The following C1QTNF3 variants were observed in gnomAD, a reference collection of about 807,000 sequenced individuals.
C1QTNF3 encodes the protein C1q and TNF related 3.
A neutral mutation model predicts 32.6 loss-of-function variants in C1QTNF3; 26 were observed. The observed-to-expected ratio is 0.80, with a 90% CI of 0.58 to 1.11. The LOEUF (loss-of-function observed/expected upper bound fraction) is 1.11, where lower values mean the gene tolerates loss of function less well. C1QTNF3 is among the 50% of genes least tolerant of loss of function. C1QTNF3 has a pLI of 0.00. For synonymous variants in C1QTNF3, 155 were observed against 146.0 expected, an observed-to-expected ratio of 1.06 and a Z score of -0.44; for missense variants, 362 against 398.2, an observed-to-expected ratio of 0.91 and a Z score of 0.77.
chr5:34,203,069 G>A, the C1QTNF3 span, among the ~76,000 whole-genome samples: 17 of 152,192 alleles, frequency 1.1e-4, no homozygotes, highest in African/African-American at 3.9e-4. Context: ...AGTCCTATGA[G>A]AAATACTCAA....
chr5:34,113,679 T>C, the C1QTNF3 span, among the ~76,000 whole-genome samples: 5 of 152,266 alleles, frequency 3.3e-5, no homozygotes, highest in African/African-American at 7.2e-5. Context: ...TCTATATATA[T>C]GTATATGTAT....
chr5:34,214,370 A>G, the C1QTNF3 span, among the ~76,000 whole-genome samples: 414 of 151,984 alleles, frequency 2.7e-3, 1 homozygote, highest in Non-Finnish European at 5.0e-3. Context: ...TTACTGAATC[A>G]TCTTAAAATC....
At chr5:34,180,450 G>A in the C1QTNF3 span, among the ~76,000 whole-genome samples, 1 of 152,428 alleles carries the variant, frequency 6.6e-6, no homozygotes, top group African/African-American at 2.4e-5. Context: ...CCAGGAGGTC[G>A]AGATGGCAAC....
At chr5:34,158,208 G>T in the C1QTNF3 span, 1 of 151,614 alleles carries the variant, frequency 6.6e-6, no homozygotes, top group East Asian at 2.0e-4. Flanking sequence ...CCGGGTTCAA[G>T]CAATTCTCCT....
chr5:34,092,351 T>A, the C1QTNF3 span, among the ~76,000 whole-genome samples: 1 of 151,956 alleles, frequency 6.6e-6, no homozygotes, highest in African/African-American at 2.4e-5. Context: ...TTTACATTTA[T>A]AAGTGTATTC....
the C1QTNF3 span, among the ~76,000 whole-genome samples, chr5:34,146,951 A>G: frequency 5.8e-4 from 88 of 152,350 alleles, no homozygotes; most frequent in Non-Finnish European, 1.1e-3. Context: ...TCCAGAATCT[A>G]TAATGAACTT....
chr5:34,216,256 T>C, the C1QTNF3 span, among the ~76,000 whole-genome samples: 2 of 152,228 alleles, frequency 1.3e-5, no homozygotes, highest in Admixed American at 6.5e-5. Context: ...TTTGTTGTTG[T>C]TGAACACCAG....
chr5:34,154,865 T>G, the C1QTNF3 span, among the ~76,000 whole-genome samples: 30 of 152,172 alleles, frequency 2.0e-4, no homozygotes, highest in Non-Finnish European at 2.8e-4. Flanking sequence ...AACCTGAGTA[T>G]CTAAACTATT....
the C1QTNF3 span, among the ~76,000 whole-genome samples, chr5:34,232,681 C>T: frequency 2.6e-5 from 4 of 151,072 alleles, no homozygotes; most frequent in African/African-American, 9.7e-5. Flanking sequence ...TTCTGAGTTT[C>T]CTGAGTCCTC....
At chr5:34,234,079 A>C in the C1QTNF3 span, among the ~76,000 whole-genome samples, 6 of 152,186 alleles carry the variant, frequency 3.9e-5, no homozygotes, top group African/African-American at 1.4e-4. Context: ...TATCAAGTTC[A>C]TATCGTAAGC....
chr5:34,088,790 G>A, the C1QTNF3 span, among the ~76,000 whole-genome samples: 6 of 152,170 alleles, frequency 3.9e-5, no homozygotes, highest in Non-Finnish European at 7.3e-5. Flanking sequence ...GAGATGACTT[G>A]CGTGAGCCAC....
At chr5:34,140,967 T>C in the C1QTNF3 span, among the ~76,000 whole-genome samples, 2 of 152,234 alleles carry the variant, frequency 1.3e-5, no homozygotes, top group East Asian at 1.9e-4. Flanking sequence ...TTAATGGACA[T>C]AGACTCATAA....
At chr5:34,042,278 T>C (rs1754888447) in intron 1 of C1QTNF3, among the ~76,000 whole-genome samples, 1 of 152,050 alleles carries the variant, frequency 6.6e-6, no homozygotes, top group African/African-American at 2.4e-5. Flanking sequence ...TAAAACAGGC[T>C]GAACAGAGAG....
At chr5:34,139,573 G>T in the C1QTNF3 span, among the ~76,000 whole-genome samples, 1 of 151,560 alleles carries the variant, frequency 6.6e-6, no homozygotes. Context: ...TACAGATCTT[G>T]GTATAAAATG....
Position 34,023,984 on chromosome 5 carries a change from A to G in C1QTNF3, c.725T>C (p.Met242Thr). The G allele has an allele frequency of 6.2e-7, 1 of 1,614,136 alleles. No individual in the cohort carries two copies. The highest frequency in any genetic ancestry group is 8.5e-7 in the Non-Finnish European group (1 of 1,179,992). The change falls in exon 5 of 6, where the codon ATG becomes ACG. Residue 242 changes from methionine (M) to threonine (T), a missense_variant. Coordinates refer to ENST00000382065, the MANE Select transcript of C1QTNF3 (RefSeq NM_181435.6). The part of the protein sequence containing the change: ...VSGVYFFTFS[M>T]MKHEDVEEVY... ...TTCCTCAACATCCTCATGCTTCATC[A>G]TGCTGAAGGTGAAGAAATACACACC...
chr5:34,065,955 T>A, the C1QTNF3 span, among the ~76,000 whole-genome samples: 2 of 152,024 alleles, frequency 1.3e-5, no homozygotes, highest in Non-Finnish European at 2.9e-5. Flanking sequence ...ATGGACTGAA[T>A]AAAGAAAATG....
the C1QTNF3 span, among the ~76,000 whole-genome samples, chr5:34,212,437 C>T: frequency 6.6e-6 from 1 of 151,816 alleles, no homozygotes; most frequent in African/African-American, 2.4e-5. Flanking sequence ...TTCTGCACAG[C>T]AAAAGAAACT....
At chr5:34,154,356 G>A in the C1QTNF3 span, among the ~76,000 whole-genome samples, 9 of 151,962 alleles carry the variant, frequency 5.9e-5, no homozygotes, top group Admixed American at 1.3e-4. Flanking sequence ...ATAGGCATTC[G>A]TCCTTTTTTA....
At chr5:34,102,946 C>T in the C1QTNF3 span, among the ~76,000 whole-genome samples, 3 of 130,794 alleles carry the variant, frequency 2.3e-5, no homozygotes, top group Non-Finnish European at 3.5e-5. Context: ...CAAACCTGCA[C>T]GTGTGCACAT....
Sources: gnomAD v4.1 joint callset for allele counts (sites outside exome capture counted in the v4.1 genomes callset) on GRCh38, gnomAD v4.1.1 for gene constraint, MANE v1.5 for transcripts, NCBI Gene and HGNC (gene_info 2026-07-23, HGNC 2026-07-21) for gene names.